The following PCM1 variants were observed in gnomAD, a reference collection of about 807,000 sequenced individuals.
PCM1 encodes pericentriolar material 1 protein.
PCM1 carries 157 observed loss-of-function variants against 241.9 expected under a neutral mutation model. That is an observed-to-expected ratio of 0.65 (90% CI 0.57 to 0.74). The LOEUF (loss-of-function observed/expected upper bound fraction) is 0.74, where lower values mean the gene tolerates loss of function less well. PCM1 is among the 30% of genes least tolerant of loss of function. PCM1 has a pLI of 0.00. For synonymous variants in PCM1, 1,085 were observed against 784.9 expected (o/e 1.38, Z -6.39); for missense variants, 3,478 against 2,360.1 (o/e 1.47, Z -9.81).
Position 18,025,689 on chromosome 8 carries a change from T to C in PCM1, c.6049+31T>C, listed in dbSNP as rs779257131. 2.2e-5 allele frequency: 28 copies of C among 1,264,378 alleles called. No homozygotes were observed. The Middle Eastern group carries it at 6.3e-4, about 28-fold the overall frequency. The allele number at this position is 1,264,378 out of a possible 1,614,324, so 78.3% of individuals were successfully genotyped here. A position where few individuals can be genotyped will look rare whatever the true frequency, so the allele number is the denominator to read the frequency against. ...AGTTATCAATTTAAATCTTGCCATA[T>C]TGAAAAATCATTGAATCTTCATACT... On this transcript the variant is annotated intron_variant, in intron 38 of 38. Transcript: ENST00000325083.
chr8:17,978,412 A>G (rs1224895240), intron 23 of PCM1, among the ~76,000 whole-genome samples: 3 of 152,240 alleles, frequency 2.0e-5, no homozygotes, highest in Non-Finnish European at 2.9e-5. Context: ...ACAAACACCT[A>G]TGCAGAGTCT....
intron 6 of PCM1, among the ~76,000 whole-genome samples, chr8:17,943,133 C>T (rs1443343835): frequency 6.6e-6 from 1 of 150,636 alleles, no homozygotes; most frequent in East Asian, 1.9e-4. Flanking sequence ...GGTTTATTAC[C>T]TAGGACTACA....
chr8:17,969,155 C>T (rs146773092), intron 21 of PCM1, among the ~76,000 whole-genome samples: 113 of 152,190 alleles, frequency 7.4e-4, no homozygotes, highest in African/African-American at 2.6e-3. Flanking sequence ...GTCATACAGA[C>T]CTGAGATCTA....
At chr8:17,931,271 A>G (rs541233351) in intron 2 of PCM1, among the ~76,000 whole-genome samples, 1 of 152,032 alleles carries the variant, frequency 6.6e-6, no homozygotes, top group Non-Finnish European at 1.5e-5. Context: ...TAGAATGCGT[A>G]AAACATTCTT....
chr8:17,968,422 A>G (rs772145949), intron 21 of PCM1, among the ~76,000 whole-genome samples: 3 of 152,202 alleles, frequency 2.0e-5, no homozygotes, highest in Non-Finnish European at 4.4e-5. Context: ...TAGCTGGTGA[A>G]CAGAAGGCTG....
intron 24 of PCM1, chr8:17,983,301 C>T (rs188987683): frequency 6.5e-5 from 86 of 1,317,896 alleles, no homozygotes; most frequent in Non-Finnish European, 6.0e-5. Flanking sequence ...TAACAATCTG[C>T]GTAGTTTTGG....
chr8:17,965,939 C>A, intron 18 of PCM1, 60 bp from the exon 19 acceptor site: 2 of 1,179,778 alleles, frequency 1.7e-6, no homozygotes, highest in Non-Finnish European at 2.4e-6. Flanking sequence ...GAGTTTATTG[C>A]TGTATTTTAA....
At chr8:17,950,796 G>A (rs770788205) in intron 8 of PCM1, 72 bp downstream of exon 8, 1 of 842,078 alleles carries the variant, frequency 1.2e-6, no homozygotes, top group Non-Finnish European at 2.0e-6. Flanking sequence ...AGAAACTTCA[G>A]TGAGCATACA....
Position 17,935,589 on chromosome 8 carries a change from A to G in PCM1, c.-22A>G. 2 of 1,051,302 alleles carry G rather than the reference A, an allele frequency of 1.9e-6. No homozygotes were observed. The highest frequency in any genetic ancestry group is 1.3e-5 in the South Asian group (1 of 77,598). 65.1% of individuals were successfully genotyped at this position (1,051,302 alleles called of 1,614,324 possible). ...GCTCAGTTCTTAACTTGTTTCGCAG[A>G]GAGTTAATTGTTAAATCCAGTATGG... On this transcript the variant is annotated splice_region_variant and 5_prime_UTR_variant, in exon 3 of 39. Transcript: ENST00000325083.
Position 17,960,817 on chromosome 8 carries a change from C to CT in PCM1, c.2322+381dup, listed in dbSNP as rs749748109. Reference sequence around the variant, plus strand: ...GGGATTACAGGCGCGAGAAACTACTCTTTTTTTTCTAGTATTAAGGTGACA... The same window carrying CT: ...GGGATTACAGGCGCGAGAAACTACTCTTTTTTTTTCTAGTATTAAGGTGACA... On this transcript the variant is annotated intron_variant, in intron 15 of 38. Transcript: ENST00000325083. Among the ~76,000 whole-genome samples the CT allele has an allele frequency of 4.6e-5, 7 of 151,918 alleles. No homozygotes were observed. In the East Asian group the frequency reaches 1.4e-3, roughly 29 times the overall value.
At chr8:18,016,430 AG>A (rs2093208917) in intron 36 of PCM1, among the ~76,000 whole-genome samples, 1 of 36,534 alleles carries the variant, frequency 2.7e-5, no homozygotes, top group Admixed American at 2.1e-4. Context: ...ACACTTTACC[AG>A]AGAAGAGAAG....
chr8:17,925,418 A>G (rs1203747366), intron 2 of PCM1: 1 of 152,248 alleles, frequency 6.6e-6, no homozygotes, highest in Non-Finnish European at 1.5e-5. Flanking sequence ...AAAAATGGCT[A>G]AAAGATAATT....
At chr8:17,931,117 C>A (rs1322980786) in intron 2 of PCM1, among the ~76,000 whole-genome samples, 1 of 151,690 alleles carries the variant, frequency 6.6e-6, no homozygotes, top group African/African-American at 2.4e-5. Flanking sequence ...CTAAAAAAAT[C>A]ATCTGTTTTT....
intron 22 of PCM1, among the ~76,000 whole-genome samples, chr8:17,971,767 G>A (rs1391233487): frequency 6.6e-6 from 1 of 151,918 alleles, no homozygotes; most frequent in African/African-American, 2.4e-5. Context: ...CTAGAGGCAG[G>A]GTCTCACTTT....
intron 15 of PCM1, among the ~76,000 whole-genome samples, 152 bp from the exon 16 acceptor site, chr8:17,961,882 C>T (rs939313905): frequency 6.6e-6 from 1 of 152,070 alleles, no homozygotes; most frequent in African/African-American, 2.4e-5. Flanking sequence ...TTTCTTATTT[C>T]ATGTTATCTT....
At chr8:17,995,812 T>C (rs991047012) in intron 29 of PCM1, among the ~76,000 whole-genome samples, 2 of 152,106 alleles carry the variant, frequency 1.3e-5, no homozygotes, top group African/African-American at 2.4e-5. Flanking sequence ...TTAATTTTAT[T>C]TGTGTCTGTT....
chr8:17,967,014 C>T lies in PCM1; in HGVS notation c.3256C>T (p.Gln1086Ter), dbSNP rs1370465966. 2 of 1,608,484 alleles carry T rather than the reference C, an allele frequency of 1.2e-6. No homozygotes were observed. Among genetic ancestry groups the T allele is most frequent in the Admixed American group, 1.7e-5 (1 of 59,206 alleles). Residue 1086 changes from glutamine (Q) to a stop codon, truncating the protein, a stop_gained, in exon 21 of 39, where the codon CAA becomes TAA. Transcript: ENST00000325083. LOFTEE classifies it high-confidence loss of function. ...KQMLNELMRQ[Q>*]NQHPEKPGGK... Reference sequence around the variant, plus strand: ...AATGCTAAATGAACTTATGCGCCAGCAAAATCAGCATCCAGAAAAACCTGG... The same window carrying T: ...AATGCTAAATGAACTTATGCGCCAGTAAAATCAGCATCCAGAAAAACCTGG...
At chr8:18,011,457 T>G (rs1489538179) in intron 33 of PCM1, 91 bp downstream of exon 33, 11 of 1,225,848 alleles carry the variant, frequency 9.0e-6, no homozygotes, top group Admixed American at 3.1e-5. Flanking sequence ...AAGTATAAAA[T>G]TAAGTGTCAA....
rs2082324510 is a variant in PCM1 at position 17,985,629 on chromosome 8, A to G, written c.4281+10A>G. ...TTTATATGCATTGCAGGTATCTGGT[A>G]CCTAACATAATTTTTCCTACCCTAT... On this transcript the variant is annotated intron_variant, in intron 25 of 38. Coordinates refer to ENST00000325083, the MANE Select transcript of PCM1 (RefSeq NM_006197.4). 6.3e-7 allele frequency: 1 copy of G among 1,591,882 alleles called. No individual in the cohort carries two copies. The highest frequency in any genetic ancestry group is 8.6e-7 in the Non-Finnish European group (1 of 1,166,512).
Sources: allele counts gnomAD v4.1 joint callset (sites outside exome capture counted in the v4.1 genomes callset), GRCh38; gene constraint gnomAD v4.1.1; transcripts MANE v1.5; gene names NCBI Gene and HGNC (gene_info 2026-07-23, HGNC 2026-07-21).